Variants in LUZP2 observed in about 807,000 individuals in gnomAD.
LUZP2 encodes leucine zipper protein 2.
Under a neutral mutation model 51.6 loss-of-function variants are expected in LUZP2, and 52 were observed. That is an observed-to-expected ratio of 1.01 (90% CI 0.81 to 1.27). LUZP2 has a LOEUF of 1.27. Ranked by LOEUF, LUZP2 falls within the 50% of genes most tolerant of loss-of-function variation. The pLI, the probability that LUZP2 is intolerant of heterozygous loss-of-function variation, is 0.00. For synonymous variants in LUZP2, 154 were observed against 137.3 expected (o/e 1.12, Z -0.85); for missense variants, 436 against 395.4 (o/e 1.10, Z -0.87).
chr11:24,519,236 C>G (rs1374255396), intron 1 of LUZP2, among the ~76,000 whole-genome samples: 1 of 152,108 alleles, frequency 6.6e-6, no homozygotes, highest in Non-Finnish European at 1.5e-5. Flanking sequence ...ACTTTGACTT[C>G]AGACCATTAG....
chr11:24,596,443 G>A (rs1004842750), intron 1 of LUZP2, among the ~76,000 whole-genome samples: 2 of 151,996 alleles, frequency 1.3e-5, no homozygotes, highest in African/African-American at 4.8e-5. Flanking sequence ...TGCAATAATA[G>A]GATCTAAGGA....
In LUZP2 at chr11:24,941,839, A is replaced by G. The variant is rs1854758078; in HGVS notation, c.522+27301A>G. Among the ~76,000 whole-genome samples, 3 of 152,148 alleles carry G rather than the reference A, an allele frequency of 2.0e-5. No homozygotes were observed. The South Asian group carries it at 6.2e-4, about 31-fold the overall frequency. ...ATTTATTGAGTTTTGATTAATATAT[A>G]TAAATAGTGTGTTACTGTCACCACA... is the stretch of plus-strand genomic sequence containing the variant. On this transcript the variant is annotated intron_variant, in intron 7 of 11. Transcript: ENST00000336930.
intron 9 of LUZP2, among the ~76,000 whole-genome samples, chr11:24,991,121 T>C (rs992330409): frequency 6.6e-6 from 1 of 151,890 alleles, no homozygotes; most frequent in Non-Finnish European, 1.5e-5. Flanking sequence ...TTTACCTGCT[T>C]CCTACCTTTC....
intron 1 of LUZP2, among the ~76,000 whole-genome samples, chr11:24,498,062 T>C (rs1231854398): frequency 6.6e-6 from 1 of 152,208 alleles, no homozygotes; most frequent in Non-Finnish European, 1.5e-5. Context: ...AGAAGAGTTT[T>C]GTGACTCCCC....
chr11:24,562,835 C>T (rs1257860224), intron 1 of LUZP2, among the ~76,000 whole-genome samples: 1 of 149,164 alleles, frequency 6.7e-6, no homozygotes, highest in Admixed American at 6.7e-5. Context: ...GCACTCCAGC[C>T]TGGGTGACAG....
At chr11:24,542,978 A>G (rs182984799) in intron 1 of LUZP2, among the ~76,000 whole-genome samples, 1 of 151,966 alleles carries the variant, frequency 6.6e-6, no homozygotes, top group Non-Finnish European at 1.5e-5. Context: ...AAATGAGGAC[A>G]TGTGAAACAC....
At chr11:24,606,931 AT>A (rs1853939750) in intron 1 of LUZP2, among the ~76,000 whole-genome samples, 1 of 151,922 alleles carries the variant, frequency 6.6e-6, no homozygotes, top group Admixed American at 6.6e-5. Flanking sequence ...TCTATTGGCC[AT>A]TTGTATGTTT....
intron 5 of LUZP2, among the ~76,000 whole-genome samples, chr11:24,884,994 G>T (rs1017383199): frequency 6.6e-6 from 1 of 152,036 alleles, no homozygotes; most frequent in African/African-American, 2.4e-5. Flanking sequence ...CTCTGATAAG[G>T]GAGGGGAATT....
intron 1 of LUZP2, among the ~76,000 whole-genome samples, chr11:24,714,075 C>T (rs559694161): frequency 1.2e-4 from 18 of 151,874 alleles, no homozygotes; most frequent in African/African-American, 3.9e-4. Flanking sequence ...ATAAAAACTA[C>T]TTACATAGCA....
In LUZP2 at chr11:24,868,907, C is replaced by T. The variant is rs149678265; in HGVS notation, c.397-37084C>T. Among the ~76,000 whole-genome samples, 1,399 of 152,188 alleles carry T rather than the reference C, an allele frequency of 9.2e-3. 9 individuals carry two copies. Among genetic ancestry groups the T allele is most frequent in the Non-Finnish European group, 0.015 (1,050 of 68,010 alleles). Reference sequence around the variant, plus strand: ...GATCAAAGCTTCTTCCTATATGTAACCAGTAATATGGAAGAGCAACAAAAT... The same window carrying T: ...GATCAAAGCTTCTTCCTATATGTAATCAGTAATATGGAAGAGCAACAAAAT... On this transcript the variant is annotated intron_variant, in intron 5 of 11. Coordinates refer to ENST00000336930, the MANE Select transcript of LUZP2 (RefSeq NM_001009909.4).
chr11:24,947,657 A>G (rs1316019301), intron 7 of LUZP2, among the ~76,000 whole-genome samples: 2 of 151,894 alleles, frequency 1.3e-5, no homozygotes, highest in East Asian at 1.9e-4. Context: ...TGCTCACAAC[A>G]AATTCTCAGT....
chr11:24,533,004 G>T (rs1398079787), intron 1 of LUZP2, among the ~76,000 whole-genome samples: 1 of 151,106 alleles, frequency 6.6e-6, no homozygotes, highest in Non-Finnish European at 1.5e-5. Flanking sequence ...CAGTCAATTT[G>T]TTCTTTATAT....
At chr11:24,743,832 A>T (rs1200612432) in intron 4 of LUZP2, among the ~76,000 whole-genome samples, 1 of 152,054 alleles carries the variant, frequency 6.6e-6, no homozygotes, top group Non-Finnish European at 1.5e-5. Context: ...TGGGTTTGTC[A>T]TAGATGCCTT....
chr11:24,706,991 G>T (rs565337598), intron 1 of LUZP2, among the ~76,000 whole-genome samples: 1 of 95,816 alleles, frequency 1.0e-5, no homozygotes, highest in Non-Finnish European at 2.0e-5. Context: ...CAAAGCATTT[G>T]CTAAAAATAA....
intron 5 of LUZP2, among the ~76,000 whole-genome samples, chr11:24,834,526 G>T (rs1460568450): frequency 6.6e-6 from 1 of 152,150 alleles, no homozygotes; most frequent in Non-Finnish European, 1.5e-5. Context: ...TGAAGTCTTT[G>T]CTATTGTAAA....
chr11:25,064,502 A>G (rs779024514), intron 10 of LUZP2, among the ~76,000 whole-genome samples: 8 of 152,098 alleles, frequency 5.3e-5, no homozygotes, highest in East Asian at 1.9e-4. Flanking sequence ...TTAAAAAAAT[A>G]AAGCATTATT....
chr11:24,909,757 C>A (rs2133793883), intron 6 of LUZP2, among the ~76,000 whole-genome samples: 1 of 152,254 alleles, frequency 6.6e-6, no homozygotes, highest in South Asian at 2.1e-4. Context: ...TTGTAAATTG[C>A]ACAGTCTCAG....
chr11:25,018,006 A>G (rs1323188133), intron 9 of LUZP2, among the ~76,000 whole-genome samples: 3 of 149,604 alleles, frequency 2.0e-5, no homozygotes, highest in East Asian at 3.9e-4. Context: ...TTCTTGATTA[A>G]GTATATCCCT....
At chr11:25,026,873 ATT>A (rs374902498) in intron 9 of LUZP2, among the ~76,000 whole-genome samples, 2 of 137,212 alleles carry the variant, frequency 1.5e-5, no homozygotes, top group African/African-American at 5.0e-5. Flanking sequence ...TTTAATTATT[ATT>A]TTTTTTCTTT....
Sources: gnomAD v4.1 joint callset for allele counts (sites outside exome capture counted in the v4.1 genomes callset) on GRCh38, gnomAD v4.1.1 for gene constraint, MANE v1.5 for transcripts, NCBI Gene and HGNC (gene_info 2026-07-23, HGNC 2026-07-21) for gene names.